Variants in TRIQK observed in about 807,000 individuals in gnomAD.
TRIQK encodes the protein triple QxxK/R motif containing, also known as triple QxxK/R motif-containing protein.
Under a neutral mutation model 10.8 loss-of-function variants are expected in TRIQK, and 10 were observed. The observed-to-expected ratio is 0.92, with a 90% CI of 0.57 to 1.57. The LOEUF (loss-of-function observed/expected upper bound fraction) is 1.57. Among genes scored for constraint, TRIQK ranks in the 40% most tolerant of loss-of-function variants. The probability of loss-of-function intolerance (pLI) is 0.00; values close to 1 mark genes in which losing one functional copy is unlikely to be tolerated. For missense variants in TRIQK, 107 were observed against 97.7 expected, an observed-to-expected ratio of 1.09 and a Z score of -0.40; for synonymous variants, 33 against 33.7, an observed-to-expected ratio of 0.98 and a Z score of 0.07.
intron 2 of TRIQK, among the ~76,000 whole-genome samples, chr8:92,931,191 A>G (rs1328852875): frequency 1.3e-5 from 2 of 152,198 alleles, no homozygotes; most frequent in Non-Finnish European, 2.9e-5. Context: ...TGTAAACAAA[A>G]TGTTCTGATA....
At chr8:92,959,480 TACAC>T (rs34816958) in intron 1 of TRIQK, among the ~76,000 whole-genome samples, 51,570 of 143,412 alleles carry the variant, frequency 0.36, 9,318 homozygotes, top group South Asian at 0.44. Context: ...TATATATGCA[TACAC>T]ACACACACAC....
intron 2 of TRIQK, among the ~76,000 whole-genome samples, chr8:92,948,483 T>C (rs980607375): frequency 6.6e-6 from 1 of 152,214 alleles, no homozygotes; most frequent in Non-Finnish European, 1.5e-5. Context: ...TATCATTTCA[T>C]TGCAACAATG....
At chr8:92,911,058 A>T (rs1809541099) in intron 3 of TRIQK, among the ~76,000 whole-genome samples, 2 of 151,610 alleles carry the variant, frequency 1.3e-5, no homozygotes, top group South Asian at 4.1e-4. Context: ...GGAAATACTA[A>T]TATCAAAAAC....
At chr8:92,912,228 T>C (rs1464818172) in intron 3 of TRIQK, among the ~76,000 whole-genome samples, 1 of 151,714 alleles carries the variant, frequency 6.6e-6, no homozygotes, top group Non-Finnish European at 1.5e-5. Context: ...CCAAGTATCT[T>C]TTATGAGCAC....
intron 1 of TRIQK, among the ~76,000 whole-genome samples, chr8:92,971,176 C>T (rs562311734): frequency 2.6e-5 from 4 of 152,042 alleles, no homozygotes; most frequent in Admixed American, 6.6e-5. Flanking sequence ...GTACCAACAC[C>T]GTGCTTCTTT....
chr8:92,998,744 AC>A (rs1813178635), intron 1 of TRIQK, among the ~76,000 whole-genome samples: 1 of 152,122 alleles, frequency 6.6e-6, no homozygotes. Context: ...CATAAGGACT[AC>A]AAAAATGAAA....
chr8:92,980,489 T>C (rs1047500942), intron 1 of TRIQK, among the ~76,000 whole-genome samples: 2 of 152,052 alleles, frequency 1.3e-5, no homozygotes, highest in East Asian at 1.9e-4. Context: ...CGAAAATCTT[T>C]GTACAAGATG....
chr8:92,975,649 G>A (rs1812922837), intron 1 of TRIQK, among the ~76,000 whole-genome samples: 1 of 151,012 alleles, frequency 6.6e-6, no homozygotes, highest in African/African-American at 2.4e-5. Context: ...TTTTTCTATT[G>A]CTTTTCAGAT....
At chr8:92,902,573 AG>A (rs1199222974) in intron 3 of TRIQK, among the ~76,000 whole-genome samples, 3 of 152,008 alleles carry the variant, frequency 2.0e-5, no homozygotes, top group Admixed American at 6.6e-5. Context: ...CTTCTTATGA[AG>A]GTGCTTGTTT....
intron 1 of TRIQK, among the ~76,000 whole-genome samples, chr8:92,991,354 C>T (rs939012327): frequency 2.0e-5 from 3 of 152,184 alleles, no homozygotes; most frequent in African/African-American, 7.2e-5. Flanking sequence ...TTCCTGCCTG[C>T]CAGCTCTGAA....
At chr8:92,890,730 A>G (rs769380738) in intron 4 of TRIQK, among the ~76,000 whole-genome samples, 1 of 151,892 alleles carries the variant, frequency 6.6e-6, no homozygotes, top group Non-Finnish European at 1.5e-5. Flanking sequence ...AGAAACAAAC[A>G]AACTAATTAA....
chr8:92,999,517 G>C (rs1276324500), intron 1 of TRIQK, among the ~76,000 whole-genome samples: 1 of 152,076 alleles, frequency 6.6e-6, no homozygotes, highest in East Asian at 1.9e-4. Flanking sequence ...GTTAGAAATG[G>C]TGTATGAATT....
intron 1 of TRIQK, among the ~76,000 whole-genome samples, chr8:92,994,890 G>A (rs1377578355): frequency 6.6e-6 from 1 of 150,900 alleles, no homozygotes; most frequent in Non-Finnish European, 1.5e-5. Flanking sequence ...TTATTCTAGA[G>A]TACTGTTGAT....
chr8:92,928,168 G>A (rs1810538837), intron 2 of TRIQK: 1 of 152,202 alleles, frequency 6.6e-6, no homozygotes, highest in Non-Finnish European at 1.5e-5. Context: ...GTGTTTAGTG[G>A]AGGACCTATA....
At chr8:92,940,822 ATAC>A (rs1811231627) in intron 2 of TRIQK, among the ~76,000 whole-genome samples, 1 of 152,326 alleles carries the variant, frequency 6.6e-6, no homozygotes, top group South Asian at 2.1e-4. Flanking sequence ...GCTGAAGAAT[ATAC>A]ATTCTACTCA....
chr8:92,895,902 T>C (rs1448836755), intron 3 of TRIQK, among the ~76,000 whole-genome samples: 1 of 152,018 alleles, frequency 6.6e-6, no homozygotes, highest in East Asian at 1.9e-4. Context: ...TATAAAACTC[T>C]CAGCCTGGCC....
chr8:92,935,573 C>T (rs1810944698), intron 2 of TRIQK, among the ~76,000 whole-genome samples: 1 of 150,840 alleles, frequency 6.6e-6, no homozygotes, highest in South Asian at 2.1e-4. Context: ...AGAATAAAGC[C>T]CTTCAAATTA....
chr8:92,956,566 T>C lies in TRIQK; in HGVS notation c.-180-2002A>G, dbSNP rs570218688. 1.4e-4 allele frequency among the ~76,000 whole-genome samples: 22 copies of C among 151,952 alleles called. No individual in the cohort carries two copies. In the South Asian group the frequency reaches 3.5e-3, roughly 24 times the overall value. ...TAGCTCAATAAAGCTGTTATTAAAA[T>C]ACAAGTGTCATAAAAATACAACTCT... On this transcript the variant is annotated intron_variant, in intron 1 of 4. Coordinates refer to ENST00000521988, the MANE Select transcript of TRIQK (RefSeq NM_001171797.2).
chr8:92,916,238 G>C (rs1193666050), intron 3 of TRIQK, among the ~76,000 whole-genome samples: 4 of 152,040 alleles, frequency 2.6e-5, no homozygotes, highest in Non-Finnish European at 2.9e-5. Flanking sequence ...TAATTTTTTA[G>C]AAATACTCCA....
Sources: gnomAD v4.1 joint callset for allele counts (sites outside exome capture counted in the v4.1 genomes callset) on GRCh38, gnomAD v4.1.1 for gene constraint, MANE v1.5 for transcripts, NCBI Gene and HGNC (gene_info 2026-07-23, HGNC 2026-07-21) for gene names.